ADGRL2: variants seen among roughly 807,000 people sequenced by gnomAD.
ADGRL2 encodes the protein calcium-independent alpha-latrotoxin receptor 2.
ADGRL2 carries 44 observed loss-of-function variants against 157.4 expected under a neutral mutation model. The observed-to-expected ratio is 0.28, with a 90% confidence interval of 0.22 to 0.36. The LOEUF is 0.36. ADGRL2 is among the 10% of genes least tolerant of loss of function. The pLI is 1.00. For missense variants in ADGRL2, 1,510 were observed against 1,768.9 expected (o/e 0.85, Z 2.63); for synonymous variants, 585 against 624.7 (o/e 0.94, Z 0.95).
chr1:81,749,592 A>G (rs530703055), intron 1 of ADGRL2, among the ~76,000 whole-genome samples: 79 of 152,318 alleles, frequency 5.2e-4, no homozygotes, highest in Non-Finnish European at 1.5e-5. Context: ...ATATTGATGT[A>G]TTATAAATGT....
chr1:81,707,727 TA>T (rs1177029469), intron 1 of ADGRL2, among the ~76,000 whole-genome samples: 1 of 152,162 alleles, frequency 6.6e-6, no homozygotes, highest in Admixed American at 6.5e-5. Context: ...TGATAACAAA[TA>T]CCACCATATT....
chr1:81,663,859 A>G (rs1307049726), intron 3 of ADGRL2, among the ~76,000 whole-genome samples: 5 of 152,154 alleles, frequency 3.3e-5, no homozygotes, highest in Non-Finnish European at 5.9e-5. Context: ...CTTCTTGTAT[A>G]TGATTTATAG....
intron 3 of ADGRL2, among the ~76,000 whole-genome samples, chr1:81,608,349 G>T (rs949747163): frequency 5.9e-5 from 9 of 152,230 alleles, no homozygotes; most frequent in African/African-American, 2.2e-4. Flanking sequence ...TGAGACTCTC[G>T]CTCCAGAACC....
chr1:81,412,532 G>C (rs767277025), intron 1 of ADGRL2, among the ~76,000 whole-genome samples: 23 of 152,142 alleles, frequency 1.5e-4, no homozygotes, highest in Non-Finnish European at 3.4e-4. Flanking sequence ...GTATCACATA[G>C]TGTAGTAATG....
At chr1:81,618,034 A>G (rs995598526) in intron 3 of ADGRL2, among the ~76,000 whole-genome samples, 6 of 152,006 alleles carry the variant, frequency 3.9e-5, no homozygotes, top group African/African-American at 7.2e-5. Flanking sequence ...CTACATAACA[A>G]AAAACTTTAT....
chr1:81,571,337 A>AATAT (rs951687710), intron 2 of ADGRL2, among the ~76,000 whole-genome samples: 1 of 146,650 alleles, frequency 6.8e-6, no homozygotes, highest in African/African-American at 2.5e-5. Flanking sequence ...AACAAATACA[A>AATAT]ATATATATAT....
chr1:81,696,647 G>A (rs1239439609), upstream of ADGRL2, among the ~76,000 whole-genome samples: 2 of 152,150 alleles, frequency 1.3e-5, no homozygotes. Context: ...AGCTACTCGG[G>A]AGGCTGAGGC....
chr1:81,759,560 G>C (rs147025206), intron 1 of ADGRL2, among the ~76,000 whole-genome samples: 2 of 152,042 alleles, frequency 1.3e-5, no homozygotes, highest in Non-Finnish European at 2.9e-5. Context: ...TTCCTTATAT[G>C]TCCACAAAAG....
At chr1:81,393,106 G>T (rs1167915235) in intron 1 of ADGRL2, among the ~76,000 whole-genome samples, 1 of 151,898 alleles carries the variant, frequency 6.6e-6, no homozygotes, top group Non-Finnish European at 1.5e-5. Flanking sequence ...CTCCAATGGA[G>T]ATCTAACATT....
In ADGRL2 at chr1:81,434,401, TTTGTCTCTCGGTATGTGTTTA is replaced by T. The variant is rs531003917; in HGVS notation, c.-301-10625_-301-10605del. Among the ~76,000 whole-genome samples the T allele has an allele frequency of 2.5e-3, 379 of 152,334 alleles. 4 individuals carry two copies. In the South Asian group the frequency reaches 0.031, roughly 13 times the overall value. ...CATCCAACTTTGCTTGTTTTTTATA[TTTGTCTCTCGGTATGTGTTTA>T]TTGTCTCTCTCTCCTACCCAAATGT... On this transcript the variant is annotated intron_variant, in intron 1 of 24. Coordinates refer to the ADGRL2 transcript ENST00000370721.
chr1:81,812,825 CG>C (rs1458108694), intron 1 of ADGRL2, among the ~76,000 whole-genome samples: 4 of 151,612 alleles, frequency 2.6e-5, no homozygotes, highest in African/African-American at 9.7e-5. Flanking sequence ...CATTAAAACA[CG>C]GGAACTACTA....
intron 3 of ADGRL2, among the ~76,000 whole-genome samples, chr1:81,636,936 A>G (rs956725481): frequency 6.6e-6 from 1 of 152,138 alleles, no homozygotes; most frequent in Non-Finnish European, 1.5e-5. Context: ...CCCTGGTTCA[A>G]GCAATTCTCC....
At chr1:81,769,964 A>C in intron 2 of ADGRL2, among the ~76,000 whole-genome samples, 1 of 151,736 alleles carries the variant, frequency 6.6e-6, no homozygotes, top group East Asian at 1.9e-4. Context: ...CTCAGGTTCA[A>C]GTGATTCTCC....
chr1:81,777,842 A>G (rs1183667257), intron 2 of ADGRL2, among the ~76,000 whole-genome samples: 2 of 152,196 alleles, frequency 1.3e-5, no homozygotes, highest in Non-Finnish European at 2.9e-5. Flanking sequence ...CATGTAACCT[A>G]TGACCTATTT....
chr1:81,847,353 A>G (rs1010827839), intron 2 of ADGRL2, among the ~76,000 whole-genome samples: 8 of 151,926 alleles, frequency 5.3e-5, no homozygotes, highest in Non-Finnish European at 1.5e-5. Flanking sequence ...CTCCCAGGTG[A>G]TGCTAAGGTT....
At chr1:81,424,822 G>A (rs1330544010) in intron 1 of ADGRL2, among the ~76,000 whole-genome samples, 1 of 152,038 alleles carries the variant, frequency 6.6e-6, no homozygotes, top group African/African-American at 2.4e-5. Context: ...TTCTGACATA[G>A]CAGTTGCAAG....
intron 2 of ADGRL2, chr1:81,445,157 A>G (rs569467839): frequency 1.3e-5 from 2 of 152,308 alleles, no homozygotes; most frequent in Admixed American, 1.3e-4. Context: ...CACTGCCTAA[A>G]TGTATTTGCT....
chr1:81,749,874 T>C (rs1030859430), intron 1 of ADGRL2, among the ~76,000 whole-genome samples: 2 of 152,176 alleles, frequency 1.3e-5, no homozygotes, highest in African/African-American at 4.8e-5. Context: ...AGTCTGAATG[T>C]AGTTGCTTAT....
intron 1 of ADGRL2, among the ~76,000 whole-genome samples, chr1:81,384,602 T>A (rs1244476052): frequency 6.6e-6 from 1 of 152,228 alleles, no homozygotes; most frequent in Non-Finnish European, 1.5e-5. Context: ...TTATAACAGA[T>A]GTAAAATCAG....
Sources: gnomAD v4.1 joint callset for allele counts (sites outside exome capture counted in the v4.1 genomes callset) on GRCh38, gnomAD v4.1.1 for gene constraint, MANE v1.5 for transcripts, NCBI Gene and HGNC (gene_info 2026-07-23, HGNC 2026-07-21) for gene names.